CFAP61: variants seen among roughly 807,000 people sequenced by gnomAD.
CFAP61 encodes the protein cilia- and flagella-associated protein 61.
A neutral mutation model predicts 135.6 loss-of-function variants in CFAP61; 107 were observed. The ratio of observed to expected loss-of-function variants is 0.79; its 90% CI spans 0.67 to 0.93. The LOEUF (loss-of-function observed/expected upper bound fraction) is 0.93, where lower values mean the gene tolerates loss of function less well. Ranked by LOEUF, CFAP61 falls within the 40% of genes least tolerant of loss-of-function variation. The probability of loss-of-function intolerance (pLI) is 0.00; values close to 1 mark genes in which losing one functional copy is unlikely to be tolerated. For synonymous variants in CFAP61, 575 were observed against 578.5 expected (o/e 0.99, Z 0.09); for missense variants, 1,507 against 1,556.2 (o/e 0.97, Z 0.53).
intron 18 of CFAP61, among the ~76,000 whole-genome samples, chr20:20,238,970 T>C (rs1037273053): frequency 3.9e-5 from 6 of 151,908 alleles, no homozygotes; most frequent in Admixed American, 2.0e-4. Context: ...TTTTTTTTTT[T>C]CATGATATGG....
intron 25 of CFAP61, among the ~76,000 whole-genome samples, chr20:20,317,688 C>A (rs1213425041): frequency 9.2e-5 from 14 of 152,182 alleles, no homozygotes; most frequent in Non-Finnish European, 2.9e-5. Context: ...GCTCTGACAG[C>A]TGCTGGGGCA....
intron 9 of CFAP61, among the ~76,000 whole-genome samples, chr20:20,150,816 C>T (rs1198224824): frequency 6.6e-6 from 1 of 152,154 alleles, no homozygotes; most frequent in Non-Finnish European, 1.5e-5. Context: ...ACAATCACTG[C>T]AATTTGGCTC....
chr20:20,089,053 C>G (rs1600558351), intron 6 of CFAP61, among the ~76,000 whole-genome samples: 2 of 152,266 alleles, frequency 1.3e-5, no homozygotes, highest in African/African-American at 4.8e-5. Context: ...GGTGGCAGGG[C>G]TGGCAGGACG....
At chr20:20,231,813 C>T (rs755719852) in intron 18 of CFAP61, among the ~76,000 whole-genome samples, 11 of 152,102 alleles carry the variant, frequency 7.2e-5, no homozygotes, top group Admixed American at 1.3e-4. Flanking sequence ...GGTAGAGGGC[C>T]GTGAATTGGA....
rs2053722544 is a variant in CFAP61, at chr20:20,165,135, A to G, written c.1205+907A>G. On this transcript the variant is annotated intron_variant, in intron 11 of 26. Transcript: ENST00000245957. Reference sequence around the variant, plus strand: ...TCCCTGCTGTTGGACCCCTTCTCAGAGGAGTGCCCCATCCTGGGCCTAAGA... The same window carrying G: ...TCCCTGCTGTTGGACCCCTTCTCAGGGGAGTGCCCCATCCTGGGCCTAAGA... Among the ~76,000 whole-genome samples the G allele has an allele frequency of 2.0e-5, 3 of 152,228 alleles. No homozygotes were observed. In the South Asian group the frequency reaches 6.2e-4, roughly 32 times the overall value.
chr20:20,294,167 C>T (rs2055215101), intron 24 of CFAP61, among the ~76,000 whole-genome samples: 1 of 152,192 alleles, frequency 6.6e-6, no homozygotes, highest in Non-Finnish European at 1.5e-5. Context: ...ATCGTCCTGA[C>T]CCCAGAACCC....
At chr20:20,228,523 G>A in intron 18 of CFAP61, 147 bp downstream of exon 18, 1 of 627,180 alleles carries the variant, frequency 1.6e-6, no homozygotes, top group Non-Finnish European at 2.7e-6. Flanking sequence ...ATCAGTAGAA[G>A]AATATTCTAG....
chr20:20,201,901 A>T (rs1241604470), intron 17 of CFAP61, among the ~76,000 whole-genome samples: 2 of 152,080 alleles, frequency 1.3e-5, no homozygotes, highest in Admixed American at 1.3e-4. Context: ...TGGAGGGAGG[A>T]GTCCAGAGCT....
intron 25 of CFAP61, among the ~76,000 whole-genome samples, chr20:20,317,393 A>G (rs559213475): frequency 6.6e-6 from 1 of 152,168 alleles, no homozygotes; most frequent in African/African-American, 2.4e-5. Flanking sequence ...AACGTCTTCA[A>G]CCTGGCACTG....
At chr20:20,097,760 C>G (rs1158046232) in intron 7 of CFAP61, among the ~76,000 whole-genome samples, 1 of 152,224 alleles carries the variant, frequency 6.6e-6, no homozygotes, top group Admixed American at 6.5e-5. Context: ...TAGCCTGACT[C>G]AAGTTTACTT....
chr20:20,259,246 T>TTC (rs2147003257), intron 20 of CFAP61, among the ~76,000 whole-genome samples: 1 of 12,188 alleles, frequency 8.2e-5, no homozygotes, highest in Admixed American at 8.8e-4. Flanking sequence ...CCCTTCCATC[T>TTC]TTTTTTTTTT....
At chr20:20,162,928 G>C (rs1015622077) in intron 10 of CFAP61, among the ~76,000 whole-genome samples, 1 of 152,118 alleles carries the variant, frequency 6.6e-6, no homozygotes, top group Non-Finnish European at 1.5e-5. Flanking sequence ...AATTTTCCTG[G>C]GGGATAAGAT....
At chr20:20,320,696 G>A (rs2057469923) in intron 25 of CFAP61, among the ~76,000 whole-genome samples, 1 of 149,036 alleles carries the variant, frequency 6.7e-6, no homozygotes, top group Non-Finnish European at 1.5e-5. Flanking sequence ...TTGGGTAATG[G>A]ATGATGGGAG....
intron 8 of CFAP61, among the ~76,000 whole-genome samples, chr20:20,100,282 C>T (rs1156569356): frequency 6.6e-6 from 1 of 151,686 alleles, no homozygotes; most frequent in Non-Finnish European, 1.5e-5. Context: ...AAGTGATTCT[C>T]CTGTCTCAGC....
intron 17 of CFAP61, among the ~76,000 whole-genome samples, chr20:20,204,850 G>A (rs1426466548): frequency 1.3e-5 from 2 of 152,032 alleles, no homozygotes; most frequent in African/African-American, 2.4e-5. Flanking sequence ...TTAAATCATC[G>A]CCATGAGTCC....
At chr20:20,063,117 G>A (rs2146545940) in intron 2 of CFAP61, among the ~76,000 whole-genome samples, 1 of 152,316 alleles carries the variant, frequency 6.6e-6, no homozygotes, top group Admixed American at 6.5e-5. Context: ...CAATAAAATG[G>A]TCGGCACAAG....
In CFAP61 at chr20:20,196,429, G is replaced by C. The variant is rs2056293745; in HGVS notation, c.1591-141G>C. The C allele has an allele frequency of 2.9e-5, 19 of 647,950 alleles. No individual in the cohort carries two copies. In the South Asian group the frequency reaches 3.5e-4, roughly 12 times the overall value. The allele number at this position is 647,950 out of a possible 1,614,324, so 40.1% of individuals were successfully genotyped here. On this transcript the variant is annotated intron_variant, in intron 15 of 26. Coordinates refer to ENST00000245957, the MANE Select transcript of CFAP61 (RefSeq NM_015585.4). The stretch of plus-strand genomic sequence containing the variant: ...TTTCTAATTTAAAGAATTTACCATG[G>C]AGATGAGGTGGCAAATATGGAAGAG...
At chr20:20,117,365 A>AAAATAAATAAATAAAT (rs61453815) in intron 8 of CFAP61, among the ~76,000 whole-genome samples, 9,974 of 151,380 alleles carry the variant, frequency 0.066, 1,055 homozygotes, top group East Asian at 0.53. Context: ...TAATAAGTTA[A>AAAATAAATAAATAAAT]AAATAAATAA....
At position 20,268,973 on chromosome 20, in the gene CFAP61, C is replaced by T. The variant is rs191833645; in HGVS notation, c.2503+5843C>T. Among the ~76,000 whole-genome samples, 126 of 151,878 alleles carry T rather than the reference C, an allele frequency of 8.3e-4. 1 individual carries two copies. Among genetic ancestry groups the T allele is most frequent in the African/African-American group, 2.9e-3 (120 of 41,418 alleles). ...AAATTCCACTGCATGCATCATCGAA[C>T]AGAGGCTTTGTTATGTTATATCTAA... On this transcript the variant is annotated intron_variant, in intron 21 of 26. Transcript: ENST00000245957.
Sources: allele counts gnomAD v4.1 joint callset (sites outside exome capture counted in the v4.1 genomes callset), GRCh38; gene constraint gnomAD v4.1.1; transcripts MANE v1.5; gene names NCBI Gene and HGNC (gene_info 2026-07-23, HGNC 2026-07-21).